Variants in PDE8B observed in about 807,000 individuals in gnomAD.
The protein encoded by PDE8B is phosphodiesterase 8B.
In PDE8B, 26 loss-of-function variants were observed where a neutral mutation model predicts 101.3. The observed-to-expected ratio is 0.26, with a 90% CI of 0.19 to 0.36. The LOEUF is 0.36. Ranked by LOEUF, PDE8B falls within the 10% of genes least tolerant of loss-of-function variation. PDE8B has a pLI of 1.00. For synonymous variants in PDE8B, 424 were observed against 429.3 expected (o/e 0.99, Z 0.15); for missense variants, 810 against 1,163.1 (o/e 0.70, Z 4.42).
At chr5:77,289,050 T>A (rs1766696849) in intron 1 of PDE8B, among the ~76,000 whole-genome samples, 1 of 152,186 alleles carries the variant, frequency 6.6e-6, no homozygotes, top group Non-Finnish European at 1.5e-5. Context: ...TCTGAATTTT[T>A]ACATTGCCAC....
chr5:77,110,136 T>C, the PDE8B span, among the ~76,000 whole-genome samples: 1 of 151,884 alleles, frequency 6.6e-6, no homozygotes, highest in Non-Finnish European at 1.5e-5. Context: ...TAAGTAGATA[T>C]GGGGTTTTAC....
chr5:77,208,993 T>C (rs1040387164), upstream of PDE8B, among the ~76,000 whole-genome samples: 1 of 152,118 alleles, frequency 6.6e-6, no homozygotes, highest in South Asian at 2.1e-4. Context: ...CCTCCCTTTA[T>C]TTCCTCCCAC....
chr5:77,365,240 G>A (rs1042258880), intron 10 of PDE8B, among the ~76,000 whole-genome samples: 1 of 152,098 alleles, frequency 6.6e-6, no homozygotes, highest in Non-Finnish European at 1.5e-5. Context: ...GATAGATTGG[G>A]TCTGGGGTGC....
intron 1 of PDE8B, among the ~76,000 whole-genome samples, chr5:77,218,516 T>TA (rs1385705667): frequency 6.6e-6 from 1 of 152,186 alleles, no homozygotes; most frequent in African/African-American, 2.4e-5. Flanking sequence ...CCTGAAGCCC[T>TA]AAGTGTGGCT....
chr5:77,296,904 G>C (rs1029408657), intron 1 of PDE8B, among the ~76,000 whole-genome samples: 9 of 152,064 alleles, frequency 5.9e-5, no homozygotes, highest in African/African-American at 1.9e-4. Context: ...CCAGAGTTCT[G>C]TCTTTGGTCT....
rs186801905 is a variant in PDE8B at position 77,382,670 on chromosome 5, T to C, written c.1168-17578T>C. Among the ~76,000 whole-genome samples, 867 of 152,116 alleles carry C rather than the reference T, an allele frequency of 5.7e-3. 6 individuals are homozygous for C. Among genetic ancestry groups the C allele is most frequent in the Non-Finnish European group, 8.7e-3 (593 of 67,990 alleles). On this transcript the variant is annotated intron_variant, in intron 10 of 21. Coordinates refer to ENST00000264917, the MANE Select transcript of PDE8B (RefSeq NM_003719.5). ...GTTCTCATTGTTCAACTCCCACTTA[T>C]GAGTGAGAACATGTGGTGTTTGGTT...
intron 10 of PDE8B, among the ~76,000 whole-genome samples, chr5:77,388,843 G>A (rs553421792): frequency 5.9e-5 from 9 of 152,206 alleles, no homozygotes; most frequent in South Asian, 2.1e-4. Flanking sequence ...CACCCAGTTC[G>A]AACTTCCTGG....
At chr5:77,406,145 G>T (rs1793387453) in intron 12 of PDE8B, among the ~76,000 whole-genome samples, 1 of 152,110 alleles carries the variant, frequency 6.6e-6, no homozygotes, top group African/African-American at 2.4e-5. Context: ...AATTAGCTGG[G>T]TGTGATGACG....
chr5:77,256,059 T>C (rs1759101213), intron 1 of PDE8B, among the ~76,000 whole-genome samples: 1 of 152,194 alleles, frequency 6.6e-6, no homozygotes, highest in Admixed American at 6.5e-5. Context: ...GATTCGAATT[T>C]AGGCAGTTGT....
chr5:77,377,423 G>A (rs1786347959), intron 10 of PDE8B, among the ~76,000 whole-genome samples: 1 of 152,190 alleles, frequency 6.6e-6, no homozygotes, highest in East Asian at 1.9e-4. Context: ...AACAAGTGAT[G>A]GGTGCAGAAC....
chr5:77,164,691 T>C, the PDE8B span, among the ~76,000 whole-genome samples: 2 of 152,286 alleles, frequency 1.3e-5, no homozygotes, highest in Non-Finnish European at 2.9e-5. Flanking sequence ...CAGACTTGCA[T>C]TGGAGTTAAC....
At chr5:77,264,860 A>G (rs1354506564) in intron 1 of PDE8B, among the ~76,000 whole-genome samples, 1 of 152,174 alleles carries the variant, frequency 6.6e-6, no homozygotes, top group East Asian at 1.9e-4. Context: ...GGTGAACCAT[A>G]GCCATTTTGT....
At chr5:77,155,505 C>T in the PDE8B span, among the ~76,000 whole-genome samples, 4 of 152,316 alleles carry the variant, frequency 2.6e-5, no homozygotes, top group Non-Finnish European at 4.4e-5. Flanking sequence ...CACAATATCC[C>T]TTTGAGCAAA....
chr5:77,418,501 C>A, intron 18 of PDE8B, 55 bp downstream of exon 18: 1 of 1,232,242 alleles, frequency 8.1e-7, no homozygotes, highest in Non-Finnish European at 1.2e-6. Context: ...GTGGTTTTCC[C>A]AAATACTTAG....
chr5:77,310,520 G>A (rs1772363292), intron 1 of PDE8B, among the ~76,000 whole-genome samples: 1 of 152,258 alleles, frequency 6.6e-6, no homozygotes, highest in African/African-American at 2.4e-5. Context: ...ACATGAGCCT[G>A]TCACTTTGAC....
intron 1 of PDE8B, among the ~76,000 whole-genome samples, chr5:77,286,218 G>A (rs1412212658): frequency 2.0e-5 from 3 of 152,186 alleles, no homozygotes; most frequent in African/African-American, 7.2e-5. Flanking sequence ...CCTGAGGTGG[G>A]TGGCAGCTCA....
chr5:77,211,304 GCCCC>G lies in PDE8B; in HGVS notation c.339+41_339+44del, dbSNP rs763086213. On this transcript the variant is annotated intron_variant, in intron 1 of 21. Coordinates refer to ENST00000264917, the MANE Select transcript of PDE8B (RefSeq NM_003719.5). This position sits in a 1 kb window ranked among gnomAD's most constrained non-coding sequence, Gnocchi z 4.1. Reference sequence around the variant, plus strand: ...CTGGCACACGCCGTGGGGGCCGTCCGCCCCGTCGGCGGGGCTCGCACGGGTAGGG... The same window carrying G: ...CTGGCACACGCCGTGGGGGCCGTCCGGTCGGCGGGGCTCGCACGGGTAGGG... 87 of 1,513,792 alleles carry G rather than the reference GCCCC, an allele frequency of 5.7e-5. No individual in the cohort carries two copies. In the African/African-American group the frequency reaches 1.1e-3, roughly 20 times the overall value. The allele number at this position is 1,513,792 out of a possible 1,614,324, so 93.8% of individuals were successfully genotyped here.
At chr5:77,423,022 C>T (rs916125387) in intron 20 of PDE8B, among the ~76,000 whole-genome samples, 1 of 152,170 alleles carries the variant, frequency 6.6e-6, no homozygotes, top group African/African-American at 2.4e-5. Flanking sequence ...CCCTTCCCTC[C>T]TTTTGAAGTC....
chr5:77,319,422 C>G (rs1279654146), intron 2 of PDE8B, among the ~76,000 whole-genome samples: 1 of 152,074 alleles, frequency 6.6e-6, no homozygotes, highest in African/African-American at 2.4e-5. Flanking sequence ...GTTGTGTTGC[C>G]TCCTATCTCT....
Sources: gnomAD v4.1 joint callset for allele counts (sites outside exome capture counted in the v4.1 genomes callset) on GRCh38, gnomAD v4.1.1 for gene constraint, Gnocchi (gnomAD v3.1) non-coding constraint, MANE v1.5 for transcripts, NCBI Gene and HGNC (gene_info 2026-07-23, HGNC 2026-07-21) for gene names.